PIPOX: variants seen among roughly 807,000 people sequenced by gnomAD.
PIPOX encodes peroxisomal sarcosine oxidase.
A neutral mutation model predicts 47.9 loss-of-function variants in PIPOX; 45 were observed. The ratio of observed to expected loss-of-function variants is 0.94; its 90% CI spans 0.74 to 1.20. The LOEUF is 1.20. Ranked by LOEUF, PIPOX falls within the 50% of genes most tolerant of loss-of-function variation. PIPOX has a pLI of 0.00. For missense variants in PIPOX, 458 were observed against 498.4 expected (o/e 0.92, Z 0.77); for synonymous variants, 165 against 191.3 (o/e 0.86, Z 1.13).
At chr17:29,046,886 T>A (rs1356044058) in intron 2 of PIPOX, 1 of 349,558 alleles carries the variant, frequency 2.9e-6, no homozygotes, top group Non-Finnish European at 4.0e-6. Flanking sequence ...GTAGGGATAC[T>A]AATACCTGTG....
At chr17:29,055,032 C>T (rs940846668) in intron 5 of PIPOX, 31 bp from the exon 6 acceptor site, 4 of 1,613,574 alleles carry the variant, frequency 2.5e-6, no homozygotes, top group Non-Finnish European at 3.4e-6. Flanking sequence ...GGCCAGCCCT[C>T]ACCACTCATG....
At chr17:29,052,880 T>C in intron 2 of PIPOX, 40 bp from the exon 3 acceptor site, 1 of 1,587,638 alleles carries the variant, frequency 6.3e-7, no homozygotes, top group South Asian at 1.1e-5. Context: ...GCCCAGGATT[T>C]TGAAACACAC....
chr17:29,051,805 A>G (rs1211780337), intron 2 of PIPOX, among the ~76,000 whole-genome samples: 2 of 152,180 alleles, frequency 1.3e-5, no homozygotes, highest in East Asian at 3.8e-4. Context: ...TTGGGGTGGA[A>G]TCTTCTCGAG....
chr17:29,044,428 C>A (rs2065777181), intron 1 of PIPOX: 1 of 153,340 alleles, frequency 6.5e-6, no homozygotes, highest in African/African-American at 2.4e-5. Context: ...ATCTTGATTG[C>A]CAAGTCAGTA....
chr17:29,054,815 T>C (rs1054532300), intron 5 of PIPOX, 124 bp downstream of exon 5: 5 of 1,200,194 alleles, frequency 4.2e-6, no homozygotes, highest in African/African-American at 3.0e-5. Context: ...GCTTCACTCA[T>C]GGCGATTTGC....
intron 1 of PIPOX, 74 bp downstream of exon 1, chr17:29,043,413 C>A: frequency 9.1e-7 from 1 of 1,093,172 alleles, no homozygotes; most frequent in South Asian, 1.4e-5. Flanking sequence ...GTTTTCAGAG[C>A]CAGCAGGCTA....
intron 2 of PIPOX, among the ~76,000 whole-genome samples, chr17:29,046,222 G>C (rs977573003): frequency 1.3e-5 from 2 of 152,216 alleles, no homozygotes; most frequent in African/African-American, 4.8e-5. Flanking sequence ...TCTTGCTGGT[G>C]GGTGGCCCGG....
In PIPOX at chr17:29,055,818, C is replaced by T; in HGVS notation, c.972C>T (p.Thr324=). The part of the protein sequence containing the change: ...AVIESCMYTN[T]PDEQFILDRH... ...GTGTGACTGTTTCTTTCTAGAATAC[C>T]CCTGATGAGCAGTTCATTCTCGATC... Residue 324 remains threonine, a synonymous_variant, in exon 7 of 8, where the codon ACC becomes ACT. Coordinates refer to ENST00000323372, the MANE Select transcript of PIPOX (RefSeq NM_016518.3). 1 of 1,613,498 alleles carries T rather than the reference C, an allele frequency of 6.2e-7. No homozygotes were observed. Among genetic ancestry groups the T allele is most frequent in the Non-Finnish European group, 8.5e-7 (1 of 1,179,460 alleles).
intron 3 of PIPOX, 57 bp from the exon 4 acceptor site, chr17:29,053,356 C>A (rs1221268573): frequency 1.3e-6 from 2 of 1,541,060 alleles, no homozygotes; most frequent in Non-Finnish European, 1.8e-6. Context: ...GCTTTCTGTC[C>A]ACCAGGGTGA....
chr17:29,049,571 C>A (rs1388390141), intron 2 of PIPOX, among the ~76,000 whole-genome samples: 3 of 152,152 alleles, frequency 2.0e-5, no homozygotes, highest in African/African-American at 4.8e-5. Flanking sequence ...TTCTCCAATC[C>A]CGGTTTTGAC....
intron 2 of PIPOX, among the ~76,000 whole-genome samples, chr17:29,051,188 GC>G (rs1189024355): frequency 6.6e-6 from 1 of 152,214 alleles, no homozygotes; most frequent in Non-Finnish European, 1.5e-5. Flanking sequence ...CCTTTTGGGG[GC>G]CACAGAAAAA....
At chr17:29,050,474 G>A (rs564082577) in intron 2 of PIPOX, among the ~76,000 whole-genome samples, 1 of 151,366 alleles carries the variant, frequency 6.6e-6, no homozygotes, top group South Asian at 2.1e-4. Context: ...CAGAAGGATC[G>A]CTTGAGGCCG....
intron 3 of PIPOX, 80 bp downstream of exon 3, chr17:29,053,213 C>G (rs915604041): frequency 7.6e-5 from 108 of 1,412,136 alleles, no homozygotes; most frequent in Non-Finnish European, 9.5e-5. Flanking sequence ...GCCCAAGACC[C>G]CCCTCTGGAT....
At chr17:29,045,115 A>T (rs1598235525) in intron 2 of PIPOX, 108 bp downstream of exon 2, 1 of 1,247,248 alleles carries the variant, frequency 8.0e-7, no homozygotes, top group South Asian at 1.5e-5. Context: ...TGGGAGGGAC[A>T]CAAGGCCTCA....
intron 2 of PIPOX, among the ~76,000 whole-genome samples, chr17:29,045,464 G>A (rs1014511635): frequency 2.4e-5 from 3 of 123,732 alleles, no homozygotes; most frequent in African/African-American, 9.2e-5. Flanking sequence ...AGGCTGGAGT[G>A]TAGTGGCGCC....
Position 29,056,465 on chromosome 17 carries a change from C to A in PIPOX, c.*160C>A, listed in dbSNP as rs1198927173. The A allele has an allele frequency of 2.6e-6, 2 of 782,566 alleles. No individual in the cohort carries two copies. Among genetic ancestry groups the A allele is most frequent in the Admixed American group, 5.7e-5 (2 of 35,260 alleles). 48.5% of individuals were successfully genotyped at this position (782,566 alleles called of 1,614,324 possible). A position where few individuals can be genotyped will look rare whatever the true frequency, so the allele number is the denominator to read the frequency against. On this transcript the variant is annotated 3_prime_UTR_variant, in exon 8 of 8. Coordinates refer to ENST00000323372, the MANE Select transcript of PIPOX (RefSeq NM_016518.3). ...GATTGAGTCTACCTTCTTTCCTTGG[C>A]CCGCTCCCTTTTTCTTCTGCCTCAC...
At chr17:29,053,196 G>A (rs1817319515) in intron 3 of PIPOX, 63 bp downstream of exon 3, 1 of 1,512,358 alleles carries the variant, frequency 6.6e-7, no homozygotes, top group Non-Finnish European at 9.2e-7. Context: ...TGGGTCCCAA[G>A]CAGCCAGCCC....
intron 2 of PIPOX, among the ~76,000 whole-genome samples, chr17:29,049,634 C>T (rs1391925757): frequency 6.6e-6 from 1 of 152,226 alleles, no homozygotes; most frequent in African/African-American, 2.4e-5. Context: ...TCACCTATCT[C>T]CCATAATCAC....
intron 2 of PIPOX, among the ~76,000 whole-genome samples, chr17:29,047,118 C>G (rs2065788370): frequency 6.6e-6 from 1 of 152,112 alleles, no homozygotes; most frequent in South Asian, 2.1e-4. Context: ...GAAACCCCGC[C>G]TCTACTAAAA....
Sources: allele counts gnomAD v4.1 joint callset (sites outside exome capture counted in the v4.1 genomes callset), GRCh38; gene constraint gnomAD v4.1.1; transcripts MANE v1.5; gene names NCBI Gene and HGNC (gene_info 2026-07-23, HGNC 2026-07-21).